The following SLC24A2 variants were observed in gnomAD, a reference collection of about 807,000 sequenced individuals.
The protein encoded by SLC24A2 is solute carrier family 24 member 2, also known as sodium/potassium/calcium exchanger 2.
A neutral mutation model predicts 62.0 loss-of-function variants in SLC24A2; 36 were observed. The ratio of observed to expected loss-of-function variants is 0.58; its 90% CI spans 0.44 to 0.77. The LOEUF (loss-of-function observed/expected upper bound fraction) is 0.77, where lower values mean the gene tolerates loss of function less well. Among genes scored for constraint, SLC24A2 ranks in the 30% least tolerant of loss-of-function variants. The probability of loss-of-function intolerance (pLI) is 0.00; values close to 1 mark genes in which losing one functional copy is unlikely to be tolerated. For synonymous variants in SLC24A2, 358 were observed against 294.0 expected, an observed-to-expected ratio of 1.22 and a Z score of -2.23; for missense variants, 846 against 817.9, an observed-to-expected ratio of 1.03 and a Z score of -0.42.
At chr9:20,220,030 A>G in the SLC24A2 span, among the ~76,000 whole-genome samples, 4 of 152,146 alleles carry the variant, frequency 2.6e-5, no homozygotes, top group Non-Finnish European at 5.9e-5. Context: ...ATATAAGTGT[A>G]ATTTATTATT....
Position 19,789,035 on chromosome 9 carries a change from A to C in SLC24A2, c.-304T>G. 1.3e-6 allele frequency: 1 copy of C among 794,404 alleles called. No individual in the cohort carries two copies. Among genetic ancestry groups the C allele is most frequent in the Non-Finnish European group, 1.5e-6 (1 of 655,170 alleles). 49.2% of individuals were successfully genotyped at this position (794,404 alleles called of 1,614,324 possible). A position where few individuals can be genotyped will look rare whatever the true frequency, so the allele number is the denominator to read the frequency against. On this transcript the variant is annotated 5_prime_UTR_variant, in exon 1 of 11. Transcript: ENST00000341998. ...CCAGCCGGGCTGGGTTCGGGAGGAG[A>C]CTGAGCCGCTGTGAGCCCGGCGCTC... is the stretch of plus-strand genomic sequence containing the variant.
chr9:19,816,501 G>A, the SLC24A2 span, among the ~76,000 whole-genome samples: 4 of 151,990 alleles, frequency 2.6e-5, no homozygotes, highest in African/African-American at 9.7e-5. Context: ...TTAATTTTTG[G>A]TGGTAGCTAC....
In SLC24A2 at chr9:19,660,886, G is replaced by A. The variant is rs568256773; in HGVS notation, c.931-38587C>T. Among the ~76,000 whole-genome samples, 5 of 152,280 alleles carry A rather than the reference G, an allele frequency of 3.3e-5. No homozygotes were observed. In the South Asian group the frequency reaches 6.2e-4, roughly 19 times the overall value. On this transcript the variant is annotated intron_variant, in intron 2 of 10. Transcript: ENST00000341998. ...TGTTATGACCCCATTTTACAGACAA[G>A]GAAGCTGAGGCTTGGAGAGGTTTTG...
chr9:19,684,054 A>G (rs1819801325), intron 2 of SLC24A2, among the ~76,000 whole-genome samples: 1 of 152,160 alleles, frequency 6.6e-6, no homozygotes, highest in Admixed American at 6.6e-5. Context: ...AAGAAAATCA[A>G]GAATTGGGTT....
At chr9:19,800,043 C>T in the SLC24A2 span, among the ~76,000 whole-genome samples, 1 of 152,138 alleles carries the variant, frequency 6.6e-6, no homozygotes, top group Non-Finnish European at 1.5e-5. Context: ...GCAGTCTCTG[C>T]CATCTTCTTC....
intron 2 of SLC24A2, among the ~76,000 whole-genome samples, chr9:19,680,605 C>CATATATATATATAT (rs3086327): frequency 1.3e-3 from 187 of 147,664 alleles, no homozygotes; most frequent in Admixed American, 2.6e-3. Context: ...AGTTCTATAA[C>CATATATATATATAT]ATATATATAT....
At chr9:19,532,810 C>T (rs1833771921) in intron 8 of SLC24A2, among the ~76,000 whole-genome samples, 1 of 152,192 alleles carries the variant, frequency 6.6e-6, no homozygotes, top group Non-Finnish European at 1.5e-5. Context: ...AAATTGCAAA[C>T]ATCTAGCTGG....
the SLC24A2 span, among the ~76,000 whole-genome samples, chr9:19,913,608 G>A: frequency 0.011 from 1,733 of 152,234 alleles, 37 homozygotes; most frequent in African/African-American, 0.04. Context: ...GTAGGTGGCT[G>A]CCTGAGAATT....
the SLC24A2 span, among the ~76,000 whole-genome samples, chr9:20,223,400 G>A: frequency 6.6e-6 from 1 of 152,124 alleles, no homozygotes; most frequent in South Asian, 2.1e-4. Flanking sequence ...CAAGGTGGGA[G>A]GATCAATTGA....
At chr9:19,790,584 T>TTATATC (rs1243190744), upstream of SLC24A2, among the ~76,000 whole-genome samples, 1 of 150,604 alleles carries the variant, frequency 6.6e-6, no homozygotes, top group African/African-American at 2.4e-5. Context: ...TCAAACATGA[T>TTATATC]TATATCTATT....
the SLC24A2 span, among the ~76,000 whole-genome samples, chr9:20,107,004 C>T: frequency 6.6e-6 from 1 of 152,192 alleles, no homozygotes; most frequent in African/African-American, 2.4e-5. Flanking sequence ...AGCAAAGTCT[C>T]AGGATACAAA....
At chr9:19,723,369 A>T (rs765086736) in intron 2 of SLC24A2, among the ~76,000 whole-genome samples, 30 of 152,170 alleles carry the variant, frequency 2.0e-4, no homozygotes, top group Non-Finnish European at 3.4e-4. Context: ...GCACCAAAAA[A>T]GAATGAGCCC....
intron 2 of SLC24A2, among the ~76,000 whole-genome samples, chr9:19,780,729 C>T (rs1257091672): frequency 2.0e-5 from 3 of 151,246 alleles, no homozygotes; most frequent in Admixed American, 6.6e-5. Flanking sequence ...AAAAATTAGC[C>T]GGGCGCGGTG....
chr9:19,560,888 T>G (rs1055464504), intron 7 of SLC24A2, among the ~76,000 whole-genome samples: 1 of 26,366 alleles, frequency 3.8e-5, no homozygotes, highest in African/African-American at 1.5e-4. Context: ...TTTGTGTGTG[T>G]GTGTGTGTGT....
the SLC24A2 span, among the ~76,000 whole-genome samples, chr9:19,826,596 T>A: frequency 6.6e-6 from 1 of 152,128 alleles, no homozygotes; most frequent in South Asian, 2.1e-4. Flanking sequence ...AGTTGGCCCC[T>A]TGAAAACTAC....
intron 2 of SLC24A2, among the ~76,000 whole-genome samples, chr9:19,727,403 T>C (rs1821202694): frequency 2.0e-5 from 3 of 152,204 alleles, no homozygotes; most frequent in Non-Finnish European, 4.4e-5. Context: ...TTCTCCCCAC[T>C]ATCTTCCCTA....
intron 8 of SLC24A2, among the ~76,000 whole-genome samples, chr9:19,542,836 G>GC (rs755591387): frequency 3.2e-4 from 49 of 152,248 alleles, no homozygotes; most frequent in Non-Finnish European, 5.3e-4. Context: ...GATTTGGTTT[G>GC]CCAGTATTTT....
chr9:19,752,988 A>G (rs573214223), intron 2 of SLC24A2, among the ~76,000 whole-genome samples: 24 of 152,360 alleles, frequency 1.6e-4, no homozygotes, highest in Non-Finnish European at 3.2e-4. Context: ...AGCAGATGCA[A>G]GAAAAATGCA....
At chr9:19,759,456 C>T (rs1192025507) in intron 2 of SLC24A2, among the ~76,000 whole-genome samples, 1 of 152,198 alleles carries the variant, frequency 6.6e-6, no homozygotes, top group East Asian at 1.9e-4. Context: ...ATTGAATCCT[C>T]TGAAATTATC....
Sources: allele counts gnomAD v4.1 joint callset (sites outside exome capture counted in the v4.1 genomes callset), GRCh38; gene constraint gnomAD v4.1.1; transcripts MANE v1.5; gene names NCBI Gene and HGNC (gene_info 2026-07-23, HGNC 2026-07-21).